The following COL23A1 variants were observed in gnomAD, a reference collection of about 807,000 sequenced individuals.
COL23A1 encodes the protein collagen type XXIII alpha 1 chain.
Under a neutral mutation model 99.3 loss-of-function variants are expected in COL23A1, and 97 were observed. The ratio of observed to expected loss-of-function variants is 0.98; its 90% confidence interval spans 0.83 to 1.16. The LOEUF (loss-of-function observed/expected upper bound fraction) is 1.16, where lower values mean the gene tolerates loss of function less well. COL23A1 is among the 50% of genes most tolerant of loss of function. The pLI is 0.00. For missense variants in COL23A1, 762 were observed against 757.4 expected, an observed-to-expected ratio of 1.01 and a Z score of -0.07; for synonymous variants, 320 against 308.2, an observed-to-expected ratio of 1.04 and a Z score of -0.40.
chr5:178,374,889 A>G (rs1762988928), intron 2 of COL23A1, among the ~76,000 whole-genome samples: 1 of 152,186 alleles, frequency 6.6e-6, no homozygotes, highest in South Asian at 2.1e-4. Context: ...GAGTCAAATT[A>G]TTGAATAACC....
chr5:178,541,351 G>C (rs1761274323), intron 2 of COL23A1, among the ~76,000 whole-genome samples: 1 of 152,224 alleles, frequency 6.6e-6, no homozygotes, highest in Non-Finnish European at 1.5e-5. Context: ...ACTTTGGGAG[G>C]CCAAGGCGGG....
intron 2 of COL23A1, among the ~76,000 whole-genome samples, chr5:178,465,503 C>T (rs535930959): frequency 7.9e-5 from 12 of 152,284 alleles, no homozygotes; most frequent in Admixed American, 5.9e-4. Flanking sequence ...CATGGGCCTC[C>T]GAGCAAGCCT....
At chr5:178,504,027 C>G (rs56080876) in intron 2 of COL23A1, among the ~76,000 whole-genome samples, 2,522 of 150,808 alleles carry the variant, frequency 0.017, 85 homozygotes, top group African/African-American at 0.059. Context: ...TAATATGCTG[C>G]AAAAGATAAA....
chr5:178,358,531 AGTGT>A (rs200281074), intron 2 of COL23A1, among the ~76,000 whole-genome samples: 2 of 134,970 alleles, frequency 1.5e-5, no homozygotes, highest in African/African-American at 2.7e-5. Flanking sequence ...ATGTATGTCT[AGTGT>A]GTGTATGTGT....
At chr5:178,433,442 T>C (rs1204967840) in intron 2 of COL23A1, among the ~76,000 whole-genome samples, 1 of 152,160 alleles carries the variant, frequency 6.6e-6, no homozygotes, top group African/African-American at 2.4e-5. Flanking sequence ...TCCTAACACA[T>C]GGAAGCTCTC....
At chr5:178,332,814 G>A (rs1044211017) in intron 2 of COL23A1, among the ~76,000 whole-genome samples, 7 of 151,926 alleles carry the variant, frequency 4.6e-5, no homozygotes, top group East Asian at 1.9e-4. Flanking sequence ...CCCTGGAGAC[G>A]GGATATCCTA....
intron 2 of COL23A1, among the ~76,000 whole-genome samples, chr5:178,524,260 G>A (rs957820379): frequency 2.6e-5 from 4 of 152,136 alleles, no homozygotes; most frequent in African/African-American, 9.7e-5. Flanking sequence ...ATTCCCAGGG[G>A]AGCCCTCTTC....
chr5:178,440,325 C>T (rs532941435), intron 2 of COL23A1, among the ~76,000 whole-genome samples: 2 of 152,274 alleles, frequency 1.3e-5, no homozygotes, highest in Admixed American at 6.5e-5. Flanking sequence ...GGCTCATGAC[C>T]CCCTCTGGAA....
In COL23A1 at chr5:178,247,786, G is replaced by C; in HGVS notation, c.1258C>G (p.Pro420Ala). Residue 420 changes from proline to alanine, a missense_variant, in exon 21 of 29, where the codon CCA (proline) becomes GCA (alanine). Physicochemically the swap from Pro to Ala is conservative, Grantham distance 27 (BLOSUM62 -1). Transcript: ENST00000390654. Reference protein sequence around the residue: ...EPGPPGPPGPPGPMGLQGIQG... With the variant: ...EPGPPGPPGPAGPMGLQGIQG... ...CAAACCGTCCTTACCATCGGGCCTG[G>C]GGGGCCAGGGGGGCCAGGGGGCCCT... The C allele has an allele frequency of 6.2e-7, 1 of 1,611,370 alleles. No individual in the cohort carries two copies. Among genetic ancestry groups the C allele is most frequent in the South Asian group, 1.1e-5 (1 of 90,632 alleles).
At chr5:178,455,099 G>C (rs1267426635) in intron 2 of COL23A1, among the ~76,000 whole-genome samples, 2 of 152,218 alleles carry the variant, frequency 1.3e-5, no homozygotes, top group Non-Finnish European at 2.9e-5. Flanking sequence ...CTCCCCTCCA[G>C]TCTGACTTCA....
At chr5:178,513,480 G>A (rs180747351) in intron 2 of COL23A1, among the ~76,000 whole-genome samples, 5 of 152,276 alleles carry the variant, frequency 3.3e-5, no homozygotes, top group Non-Finnish European at 7.4e-5. Context: ...CTGTAGGTCA[G>A]AAGTCCAGTA....
At chr5:178,372,931 T>C (rs1581252974) in intron 2 of COL23A1, among the ~76,000 whole-genome samples, 1 of 49,152 alleles carries the variant, frequency 2.0e-5, no homozygotes, top group African/African-American at 2.0e-4. Context: ...TTTTTCTTTC[T>C]TTTTTTTTTT....
At chr5:178,358,959 T>C (rs1762030501) in intron 2 of COL23A1, among the ~76,000 whole-genome samples, 1 of 152,206 alleles carries the variant, frequency 6.6e-6, no homozygotes, top group African/African-American at 2.4e-5. Flanking sequence ...ATATTTGGTG[T>C]AAATTTTTGT....
intron 1 of COL23A1, among the ~76,000 whole-genome samples, chr5:178,567,723 A>T (rs1218284793): frequency 6.6e-6 from 1 of 152,218 alleles, no homozygotes; most frequent in Non-Finnish European, 1.5e-5. Flanking sequence ...AACCTGAAAG[A>T]GCTTAGAATG....
At chr5:178,269,520 C>CATCT (rs146134314) in intron 6 of COL23A1, among the ~76,000 whole-genome samples, 5,455 of 80,176 alleles carry the variant, frequency 0.068, 286 homozygotes, top group East Asian at 0.22. Flanking sequence ...TCCACCCACC[C>CATCT]ATCCACCCAC....
At chr5:178,450,933 A>G (rs1250041984) in intron 2 of COL23A1, among the ~76,000 whole-genome samples, 1 of 152,230 alleles carries the variant, frequency 6.6e-6, no homozygotes. Context: ...GCCCTAAGTT[A>G]GCAACTTTTT....
chr5:178,342,866 G>A (rs988649730), intron 2 of COL23A1, among the ~76,000 whole-genome samples: 8 of 152,096 alleles, frequency 5.3e-5, no homozygotes, highest in South Asian at 2.1e-4. Flanking sequence ...CAACACATTC[G>A]AGTGAAACTT....
rs533735422 is a variant in COL23A1, at chr5:178,307,385, C to G, written c.362-466G>C. Among the ~76,000 whole-genome samples the G allele has an allele frequency of 7.9e-5, 12 of 152,216 alleles. No homozygotes were observed. Among genetic ancestry groups the G allele is most frequent in the African/African-American group, 9.6e-5 (4 of 41,452 alleles). ...AACACAACAAAGAGGCCATCACGGCCGCGCAGCGCCGAAATCCACTCATGA... is the reference window on the plus strand; with the variant it reads ...AACACAACAAAGAGGCCATCACGGCGGCGCAGCGCCGAAATCCACTCATGA... On this transcript the variant is annotated intron_variant, in intron 2 of 28. Transcript: ENST00000390654. This position sits in a 1 kb window ranked among gnomAD's most constrained non-coding sequence, Gnocchi z 4.2.
intron 1 of COL23A1, among the ~76,000 whole-genome samples, chr5:178,585,249 TG>T (rs1480138935): frequency 1.3e-5 from 2 of 152,124 alleles, no homozygotes; most frequent in Non-Finnish European, 2.9e-5. Context: ...CACCCTCCTC[TG>T]GGGTGACAAC....
Sources: allele counts gnomAD v4.1 joint callset (sites outside exome capture counted in the v4.1 genomes callset), GRCh38; gene constraint gnomAD v4.1.1; non-coding constraint Gnocchi (gnomAD v3.1); transcripts MANE v1.5; gene names NCBI Gene and HGNC (gene_info 2026-07-23, HGNC 2026-07-21).